GRIA2: variants seen among roughly 807,000 people sequenced by gnomAD.
GRIA2 encodes glutamate receptor 2.
In GRIA2, 14 loss-of-function variants were observed where a neutral mutation model predicts 97.3. The ratio of observed to expected loss-of-function variants is 0.14; its 90% CI spans 0.10 to 0.23. GRIA2 has a LOEUF of 0.23. Among genes scored for constraint, GRIA2 ranks in the 10% least tolerant of loss-of-function variants. GRIA2 has a pLI of 1.00. For missense variants in GRIA2, 558 were observed against 1,069.8 expected (o/e 0.52, Z 6.67); for synonymous variants, 412 against 387.8 (o/e 1.06, Z -0.73).
chr4:157,355,978 T>A (rs1373481033), intron 12 of GRIA2, among the ~76,000 whole-genome samples: 1 of 69,552 alleles, frequency 1.4e-5, no homozygotes, highest in Non-Finnish European at 2.2e-5. Flanking sequence ...TTAATATATA[T>A]ATTTATATAT....
At chr4:157,251,003 TG>T (rs966813890) in intron 2 of GRIA2, among the ~76,000 whole-genome samples, 2 of 152,084 alleles carry the variant, frequency 1.3e-5, no homozygotes, top group Non-Finnish European at 2.9e-5. Context: ...TTCTAGGGGT[TG>T]GGGAATGTGA....
chr4:157,289,464 G>A (rs953257105), intron 2 of GRIA2, among the ~76,000 whole-genome samples: 5 of 151,746 alleles, frequency 3.3e-5, no homozygotes, highest in Non-Finnish European at 5.9e-5. Flanking sequence ...GGTTCTTGCT[G>A]TGTCCCATTT....
intron 12 of GRIA2, among the ~76,000 whole-genome samples, chr4:157,355,781 TTA>T (rs1377263788): frequency 6.4e-4 from 33 of 51,568 alleles, no homozygotes; most frequent in African/African-American, 9.3e-4. Flanking sequence ...ATTTATATAT[TTA>T]TATATATTAG....
intron 5 of GRIA2, among the ~76,000 whole-genome samples, chr4:157,320,745 G>A (rs914593923): frequency 6.6e-6 from 1 of 151,978 alleles, no homozygotes; most frequent in Non-Finnish European, 1.5e-5. Flanking sequence ...GTGATATATG[G>A]AAATTAATTT....
Position 157,361,426 on chromosome 4 carries a change from C to T in GRIA2, c.2406+302C>T. The T allele has an allele frequency of 1.2e-6, 1 of 853,412 alleles. No individual in the cohort carries two copies. The highest frequency in any genetic ancestry group is 1.9e-6 in the Non-Finnish European group (1 of 533,186). 52.9% of individuals were successfully genotyped at this position (853,412 alleles called of 1,614,324 possible). A position where few individuals can be genotyped will look rare whatever the true frequency, so the allele number is the denominator to read the frequency against. ...CTGCAAATCTTACCGTTTGCTTAGGCCAAATGGCGCATCAATGACTATCGC... is the reference window on the plus strand; with the variant it reads ...CTGCAAATCTTACCGTTTGCTTAGGTCAAATGGCGCATCAATGACTATCGC... On this transcript the variant is annotated intron_variant, in intron 14 of 15. Coordinates refer to ENST00000264426, the MANE Select transcript of GRIA2 (RefSeq NM_001083619.3). The surrounding 1 kb of genome is among the most constrained non-coding windows in gnomAD (Gnocchi z 5.2).
intron 2 of GRIA2, among the ~76,000 whole-genome samples, chr4:157,278,523 C>G (rs996726830): frequency 6.6e-6 from 1 of 151,886 alleles, no homozygotes; most frequent in Non-Finnish European, 1.5e-5. Context: ...AATTCCTAGA[C>G]AGTAACATAT....
chr4:157,271,087 G>C (rs992264592), intron 2 of GRIA2, among the ~76,000 whole-genome samples: 2 of 151,960 alleles, frequency 1.3e-5, no homozygotes, highest in Admixed American at 6.6e-5. Flanking sequence ...TACTAGTAGC[G>C]TATTAAGAGA....
At chr4:157,257,817 C>T (rs368023679) in intron 2 of GRIA2, among the ~76,000 whole-genome samples, 133 of 152,108 alleles carry the variant, frequency 8.7e-4, no homozygotes, top group Non-Finnish European at 1.5e-3. Context: ...GTTCCTGTTG[C>T]GGGAAGTCAG....
At chr4:157,243,838 C>T (rs1730610911) in intron 2 of GRIA2, among the ~76,000 whole-genome samples, 1 of 151,892 alleles carries the variant, frequency 6.6e-6, no homozygotes, top group South Asian at 2.1e-4. Context: ...GAAAGATTGT[C>T]CTAAGCTCTG....
At chr4:157,258,997 T>C (rs910188721) in intron 2 of GRIA2, among the ~76,000 whole-genome samples, 2 of 152,030 alleles carry the variant, frequency 1.3e-5, no homozygotes, top group South Asian at 2.1e-4. Flanking sequence ...CAGGACAGGA[T>C]GATTGCTTGA....
At chr4:157,288,248 AC>A (rs1327941394) in intron 2 of GRIA2, among the ~76,000 whole-genome samples, 1 of 151,718 alleles carries the variant, frequency 6.6e-6, no homozygotes, top group Non-Finnish European at 1.5e-5. Context: ...CTTTGACGTC[AC>A]CTGGTCTCAG....
chr4:157,278,431 A>G (rs1485353246), intron 2 of GRIA2, among the ~76,000 whole-genome samples: 2 of 152,106 alleles, frequency 1.3e-5, no homozygotes, highest in Non-Finnish European at 2.9e-5. Context: ...ACAAAAAAAG[A>G]ACCTGTGACA....
intron 2 of GRIA2, among the ~76,000 whole-genome samples, chr4:157,286,801 C>CAGTT (rs1361498098): frequency 6.6e-6 from 1 of 151,514 alleles, no homozygotes; most frequent in Non-Finnish European, 1.5e-5. Context: ...TACTGTCTTC[C>CAGTT]AGTTTCCTTT....
intron 2 of GRIA2, among the ~76,000 whole-genome samples, chr4:157,243,470 C>G (rs1412563769): frequency 1.2e-4 from 19 of 152,208 alleles, no homozygotes; most frequent in South Asian, 4.1e-4. Flanking sequence ...CACGCTTATT[C>G]TCCCCAATTC....
At chr4:157,279,183 G>T (rs1235341989) in intron 2 of GRIA2, among the ~76,000 whole-genome samples, 1 of 152,046 alleles carries the variant, frequency 6.6e-6, no homozygotes, top group African/African-American at 2.4e-5. Context: ...ATTCCTAATT[G>T]CCAAAACTTG....
intron 9 of GRIA2, 50 bp from the exon 10 acceptor site, chr4:157,335,621 A>C: frequency 9.1e-7 from 1 of 1,093,388 alleles, no homozygotes; most frequent in South Asian, 1.3e-5. Context: ...ATGAGAGTAC[A>C]TAATTAACAC....
intron 2 of GRIA2, among the ~76,000 whole-genome samples, chr4:157,265,543 T>G (rs564124015): frequency 6.6e-6 from 1 of 152,232 alleles, no homozygotes; most frequent in African/African-American, 2.4e-5. Context: ...GCTGCCAGTC[T>G]TTTTAAAGAC....
intron 2 of GRIA2, among the ~76,000 whole-genome samples, chr4:157,296,499 A>G (rs1733355574): frequency 6.6e-6 from 1 of 152,192 alleles, no homozygotes; most frequent in Non-Finnish European, 1.5e-5. Context: ...ATTTATTGTC[A>G]ATAACACATT....
At chr4:157,327,610 G>C (rs999371697) in intron 6 of GRIA2, among the ~76,000 whole-genome samples, 1 of 151,912 alleles carries the variant, frequency 6.6e-6, no homozygotes, top group East Asian at 1.9e-4. Flanking sequence ...CTCCAACATC[G>C]TGTAAGGTAT....
Sources: allele counts gnomAD v4.1 joint callset (sites outside exome capture counted in the v4.1 genomes callset), GRCh38; gene constraint gnomAD v4.1.1; non-coding constraint Gnocchi (gnomAD v3.1); transcripts MANE v1.5; gene names NCBI Gene and HGNC (gene_info 2026-07-23, HGNC 2026-07-21).